RAB3IP: variants seen among roughly 807,000 people sequenced by gnomAD.
RAB3IP encodes the protein rab-3A-interacting protein.
A neutral mutation model predicts 59.1 loss-of-function variants in RAB3IP; 36 were observed. The ratio of observed to expected loss-of-function variants is 0.61; its 90% confidence interval spans 0.47 to 0.80. The LOEUF is 0.80. Among genes scored for constraint, RAB3IP ranks in the 30% least tolerant of loss-of-function variants. RAB3IP has a pLI of 0.00. For missense variants in RAB3IP, 511 were observed against 536.0 expected, an observed-to-expected ratio of 0.95 and a Z score of 0.46; for synonymous variants, 207 against 191.2, an observed-to-expected ratio of 1.08 and a Z score of -0.68.
chr12:69,815,397 GAA>G lies in RAB3IP; in HGVS notation c.1337_1338del (p.Lys446ArgfsTer29). On this transcript the variant is annotated frameshift_variant, in exon 11 of 11. Transcript: ENST00000247833. LOFTEE classifies it high-confidence loss of function. ...ATGTTTTGGGAGGTTATGCAGTTGAGAAAAGAGATGTCATTGGCAAAGCTGGG... is the reference window on the plus strand; with the variant it reads ...ATGTTTTGGGAGGTTATGCAGTTGAGAAGAGATGTCATTGGCAAAGCTGGG... 6.2e-7 allele frequency: 1 copy of G among 1,613,012 alleles called. No homozygotes were observed. The highest frequency in any genetic ancestry group is 8.5e-7 in the Non-Finnish European group (1 of 1,179,072).
intron 4 of RAB3IP, among the ~76,000 whole-genome samples, chr12:69,785,690 T>C (rs1406017250): frequency 6.6e-6 from 1 of 152,232 alleles, no homozygotes; most frequent in Non-Finnish European, 1.5e-5. Flanking sequence ...CAGTCTACTT[T>C]ACTCAGTCTA....
chr12:69,800,964 T>C (rs1403896982), intron 7 of RAB3IP, among the ~76,000 whole-genome samples: 1 of 152,216 alleles, frequency 6.6e-6, no homozygotes, highest in Admixed American at 6.5e-5. Context: ...ATAACGTTGC[T>C]TACCAGGAGA....
At chr12:69,801,399 A>T (rs1482418649) in intron 7 of RAB3IP, among the ~76,000 whole-genome samples, 1 of 152,198 alleles carries the variant, frequency 6.6e-6, no homozygotes, top group African/African-American at 2.4e-5. Flanking sequence ...GAGGAAAGTT[A>T]TTTTACCATA....
intron 8 of RAB3IP, among the ~76,000 whole-genome samples, chr12:69,808,158 C>T (rs1879781985): frequency 6.6e-6 from 1 of 152,212 alleles, no homozygotes; most frequent in Non-Finnish European, 1.5e-5. Context: ...ACCCAGTAGT[C>T]ATTCAGGAGC....
rs190894139 is a variant in RAB3IP at position 69,797,427 on chromosome 12, T to C, written c.888+2083T>C. On this transcript the variant is annotated intron_variant, in intron 6 of 10. Transcript: ENST00000247833. The stretch of plus-strand genomic sequence containing the variant: ...ACAGCCTTTAAACTAGAATCTTTCC[T>C]TAGAATACCACTTACCTGCTTTGGG... Among the ~76,000 whole-genome samples the C allele has an allele frequency of 5.6e-4, 85 of 151,560 alleles. 1 individual carries two copies. Among genetic ancestry groups the C allele is most frequent in the African/African-American group, 2.0e-3 (82 of 41,384 alleles).
rs534969630 is a variant in RAB3IP at position 69,787,449 on chromosome 12, G to A, written c.606+2634G>A. 3.7e-4 allele frequency among the ~76,000 whole-genome samples: 57 copies of A among 152,166 alleles called. No homozygotes were observed. In the South Asian group the frequency reaches 8.5e-3, roughly 23 times the overall value. On this transcript the variant is annotated intron_variant, in intron 4 of 10. Coordinates refer to ENST00000247833, the MANE Select transcript of RAB3IP (RefSeq NM_022456.5). ...CCCAACAATACTATGATGCATATAG[G>A]GCAGATTATTATCATTTTATCTGAG...
At chr12:69,744,950 T>A (rs1467168778) in intron 1 of RAB3IP, among the ~76,000 whole-genome samples, 1 of 152,200 alleles carries the variant, frequency 6.6e-6, no homozygotes, top group African/African-American at 2.4e-5. Flanking sequence ...TTTATATATA[T>A]ACTTGTTTTG....
chr12:69,795,537 A>T (rs932437700), intron 6 of RAB3IP, 193 bp downstream of exon 6: 6 of 599,614 alleles, frequency 1.0e-5, no homozygotes, highest in Non-Finnish European at 1.8e-5. Flanking sequence ...CTGACCTTGG[A>T]GTACCTGCTG....
chr12:69,814,109 A>C (rs1396651564), intron 10 of RAB3IP, among the ~76,000 whole-genome samples: 1 of 152,154 alleles, frequency 6.6e-6, no homozygotes. Flanking sequence ...AATAAAACTG[A>C]ATTCTTTTTG....
At chr12:69,750,155 C>G (rs556102229) in intron 1 of RAB3IP, among the ~76,000 whole-genome samples, 1 of 152,240 alleles carries the variant, frequency 6.6e-6, no homozygotes, top group East Asian at 1.9e-4. Flanking sequence ...GCAGTTTCCT[C>G]AACCATAGAT....
At chr12:69,757,340 TAAA>T (rs1870393205) in intron 3 of RAB3IP, among the ~76,000 whole-genome samples, 1 of 151,914 alleles carries the variant, frequency 6.6e-6, no homozygotes, top group Non-Finnish European at 1.5e-5. Context: ...AAGGAAATAA[TAAA>T]GAGCAAAAAT....
chr12:69,807,333 T>C (rs1488275071), intron 8 of RAB3IP, among the ~76,000 whole-genome samples: 365 of 73,532 alleles, frequency 5.0e-3, no homozygotes, highest in Middle Eastern at 0.012. Flanking sequence ...AGAGGCGCTC[T>C]TCACCTCCCA....
chr12:69,752,280 A>G (rs921028115), intron 1 of RAB3IP, among the ~76,000 whole-genome samples: 2 of 151,054 alleles, frequency 1.3e-5, no homozygotes, highest in African/African-American at 4.8e-5. Flanking sequence ...TTGGGATTAC[A>G]AGTGTGAGCC....
chr12:69,812,728 G>C, intron 8 of RAB3IP, 50 bp from the exon 9 acceptor site: 1 of 1,242,554 alleles, frequency 8.0e-7, no homozygotes, highest in Non-Finnish European at 1.2e-6. Flanking sequence ...CAGAAGGTAG[G>C]GGCAAATGCT....
At chr12:69,763,028 G>T (rs1426741129) in intron 3 of RAB3IP, among the ~76,000 whole-genome samples, 1 of 152,136 alleles carries the variant, frequency 6.6e-6, no homozygotes, top group Non-Finnish European at 1.5e-5. Flanking sequence ...TTTTATAAGG[G>T]ATGATAACCA....
At chr12:69,812,738 TTTTCA>T in intron 8 of RAB3IP, 35 bp from the exon 9 acceptor site, 1 of 1,410,148 alleles carries the variant, frequency 7.1e-7, no homozygotes. Flanking sequence ...GGGCAAATGC[TTTTCA>T]TTTCAAAAAA....
chr12:69,739,482 C>T lies in RAB3IP; in HGVS notation c.-26+451C>T, dbSNP rs74965270. On this transcript the variant is annotated intron_variant, in intron 1 of 10. Coordinates refer to ENST00000247833, the MANE Select transcript of RAB3IP (RefSeq NM_022456.5). ...ATGAAGAGAGAGTTCCCGAACAAGT[C>T]GGAAGCAGCTCACAACACCGGACGC... is the stretch of plus-strand genomic sequence containing the variant. 5.6e-3 allele frequency: 1,454 copies of T among 258,750 alleles called. 18 individuals carry two copies. Among genetic ancestry groups the T allele is most frequent in the African/African-American group, 0.029 (1,275 of 44,262 alleles). 16.0% of individuals were successfully genotyped at this position (258,750 alleles called of 1,614,324 possible).
Position 69,813,023 on chromosome 12 carries a change from ACAG to A in RAB3IP, c.1294_1296del (p.Gln432del), listed in dbSNP as rs1428459796. On this transcript the variant is annotated inframe_deletion, in exon 10 of 11. Coordinates refer to ENST00000247833, the MANE Select transcript of RAB3IP (RefSeq NM_022456.5). ...GATACATTCAGCAGGGACTCGTGAA[ACAG>A]CAGGATGGTGAGTGTTCTTGATTCA... 6 of 1,611,508 alleles carry A rather than the reference ACAG, an allele frequency of 3.7e-6. No individual in the cohort carries two copies. The East Asian group carries it at 1.1e-4, about 30-fold the overall frequency.
At chr12:69,783,869 C>T (rs538313639) in intron 3 of RAB3IP, among the ~76,000 whole-genome samples, 1 of 152,124 alleles carries the variant, frequency 6.6e-6, no homozygotes, top group Non-Finnish European at 1.5e-5. Context: ...TTCTCTTTTA[C>T]TTAGTTTCAT....
Sources: allele counts gnomAD v4.1 joint callset (sites outside exome capture counted in the v4.1 genomes callset), GRCh38; gene constraint gnomAD v4.1.1; transcripts MANE v1.5; gene names NCBI Gene and HGNC (gene_info 2026-07-23, HGNC 2026-07-21).